CDH13: variants seen among roughly 807,000 people sequenced by gnomAD.
CDH13 encodes the protein cadherin-13.
CDH13 carries 24 observed loss-of-function variants against 63.8 expected under a neutral mutation model. The ratio of observed to expected loss-of-function variants is 0.38; its 90% confidence interval spans 0.27 to 0.53. CDH13 has a LOEUF of 0.53. CDH13 is among the 20% of genes least tolerant of loss of function. The probability of loss-of-function intolerance (pLI) is 0.85; values close to 1 mark genes in which losing one functional copy is unlikely to be tolerated. For synonymous variants in CDH13, 503 were observed against 355.3 expected (o/e 1.42, Z -4.67); for missense variants, 1,049 against 903.1 (o/e 1.16, Z -2.07).
intron 1 of CDH13, among the ~76,000 whole-genome samples, chr16:82,738,901 C>G (rs2033806807): frequency 6.6e-6 from 1 of 152,216 alleles, no homozygotes; most frequent in Non-Finnish European, 1.5e-5. Flanking sequence ...TGGCCAGTGG[C>G]TGTCTTACTA....
intron 1 of CDH13, among the ~76,000 whole-genome samples, chr16:82,745,965 A>G (rs967929964): frequency 1.3e-5 from 2 of 152,082 alleles, no homozygotes; most frequent in Non-Finnish European, 1.5e-5. Context: ...TTTCAAAACT[A>G]TTGTTATATT....
rs544275429 is a variant in CDH13, at chr16:83,229,024, G to C, written c.636+11527G>C. On this transcript the variant is annotated intron_variant, in intron 5 of 13. Transcript: ENST00000567109. ...ATAGTGAAGATATTAAATATACCTT[G>C]GGATGAAAAGAGTAGCAGGAATGCG... Among the ~76,000 whole-genome samples the C allele has an allele frequency of 2.6e-5, 4 of 152,230 alleles. No individual in the cohort carries two copies. The South Asian group carries it at 8.3e-4, about 32-fold the overall frequency.
rs145379863 is a variant in CDH13, at chr16:83,541,058, T to C, written c.960+54403T>C. On this transcript the variant is annotated intron_variant, in intron 7 of 13. Transcript: ENST00000567109. Reference sequence around the variant, plus strand: ...TGACGTCTCCTGGTTGGAGTATTCATGTTCACTCCCGCTCAATCCCCAGGT... The same window carrying C: ...TGACGTCTCCTGGTTGGAGTATTCACGTTCACTCCCGCTCAATCCCCAGGT... 3.4e-3 allele frequency among the ~76,000 whole-genome samples: 516 copies of C among 152,282 alleles called. 6 individuals carry two copies. The highest frequency in any genetic ancestry group is 0.011 in the African/African-American group (474 of 41,574).
chr16:82,715,079 C>T (rs2032266013), intron 1 of CDH13, among the ~76,000 whole-genome samples: 1 of 149,166 alleles, frequency 6.7e-6, no homozygotes. Flanking sequence ...CTTGGGGCAG[C>T]ACTGGGAACT....
intron 6 of CDH13, among the ~76,000 whole-genome samples, chr16:83,425,601 G>C (rs569261564): frequency 5.8e-4 from 88 of 152,228 alleles, no homozygotes; most frequent in Non-Finnish European, 1.2e-3. Context: ...CTCTTCCACT[G>C]TTGCCTTTGG....
intron 6 of CDH13, among the ~76,000 whole-genome samples, chr16:83,390,871 A>G (rs1243688192): frequency 2.0e-5 from 3 of 152,202 alleles, no homozygotes; most frequent in Admixed American, 2.0e-4. Flanking sequence ...ACCCCCTGAC[A>G]CTGAGCAGAG....
intron 1 of CDH13, among the ~76,000 whole-genome samples, chr16:82,675,088 G>A (rs1913742575): frequency 6.7e-6 from 1 of 149,184 alleles, no homozygotes; most frequent in Non-Finnish European, 1.5e-5. Flanking sequence ...GTTAGGGAAT[G>A]GATATCATTT....
At chr16:83,320,382 A>AAGAC (rs2090196415) in intron 5 of CDH13, among the ~76,000 whole-genome samples, 2 of 152,096 alleles carry the variant, frequency 1.3e-5, no homozygotes, top group African/African-American at 4.8e-5. Flanking sequence ...AAAGAACAGG[A>AAGAC]CTTATTGTCC....
At chr16:83,217,601 G>A (rs143257873) in intron 5 of CDH13, 104 bp downstream of exon 5, 1 of 1,238,888 alleles carries the variant, frequency 8.1e-7, no homozygotes, top group Non-Finnish European at 1.1e-6. Context: ...TCAAACCCGG[G>A]ACTGCATGGC....
chr16:83,243,146 C>T (rs752033371), intron 5 of CDH13, among the ~76,000 whole-genome samples: 1 of 152,188 alleles, frequency 6.6e-6, no homozygotes, highest in Non-Finnish European at 1.5e-5. Context: ...CAAAGAGTGG[C>T]CTCGTACCAG....
At chr16:82,887,425 TTAGGTTAGAAAATCCTTGGAGGAC>T (rs1174416265) in intron 2 of CDH13, among the ~76,000 whole-genome samples, 1 of 152,054 alleles carries the variant, frequency 6.6e-6, no homozygotes, top group Non-Finnish European at 1.5e-5. Flanking sequence ...GTGGGTTGGA[TTAGGTTAGAAAATCCTTGGAGGAC>T]TGCCTTTTCC....
chr16:83,320,351 T>A (rs2090195666), intron 5 of CDH13, among the ~76,000 whole-genome samples: 1 of 152,130 alleles, frequency 6.6e-6, no homozygotes, highest in South Asian at 2.1e-4. Flanking sequence ...CAGCATGGAT[T>A]GTCCTTTTCA....
chr16:83,033,389 C>T (rs897258398), intron 3 of CDH13, among the ~76,000 whole-genome samples: 4 of 152,244 alleles, frequency 2.6e-5, no homozygotes, highest in Middle Eastern at 3.4e-3. Context: ...AGCTGCCCAA[C>T]CTACTCATGG....
At chr16:82,880,105 T>A (rs1209911859) in intron 2 of CDH13, among the ~76,000 whole-genome samples, 1 of 151,656 alleles carries the variant, frequency 6.6e-6, no homozygotes, top group East Asian at 1.9e-4. Flanking sequence ...AACCTCACTT[T>A]GAGCCATGTG....
chr16:83,748,935 A>C (rs966484022), intron 11 of CDH13, among the ~76,000 whole-genome samples: 1 of 152,184 alleles, frequency 6.6e-6, no homozygotes, highest in Non-Finnish European at 1.5e-5. Flanking sequence ...ACCTCTTAGG[A>C]GAGTGCATGG....
chr16:82,694,655 A>G (rs768586320), intron 1 of CDH13, among the ~76,000 whole-genome samples: 6 of 152,186 alleles, frequency 3.9e-5, no homozygotes, highest in Non-Finnish European at 7.3e-5. Context: ...ATGTTACCAA[A>G]ATATTTCCCT....
chr16:83,464,102 C>A (rs2073248057), intron 6 of CDH13, among the ~76,000 whole-genome samples: 1 of 152,154 alleles, frequency 6.6e-6, no homozygotes, highest in Non-Finnish European at 1.5e-5. Flanking sequence ...GAGACAGAGT[C>A]TTGCCTTGTT....
chr16:83,081,035 C>G (rs780546984), intron 3 of CDH13, among the ~76,000 whole-genome samples: 10 of 151,660 alleles, frequency 6.6e-5, no homozygotes, highest in Non-Finnish European at 8.8e-5. Context: ...GCATGCGCCA[C>G]CAGGCCCGGC....
chr16:83,227,028 C>G (rs907486171), intron 5 of CDH13, among the ~76,000 whole-genome samples: 2 of 152,216 alleles, frequency 1.3e-5, no homozygotes, highest in Admixed American at 6.5e-5. Flanking sequence ...ACAGGTTGTC[C>G]TCCTACGCTG....
Sources: allele counts gnomAD v4.1 joint callset (sites outside exome capture counted in the v4.1 genomes callset), GRCh38; gene constraint gnomAD v4.1.1; transcripts MANE v1.5; gene names NCBI Gene and HGNC (gene_info 2026-07-23, HGNC 2026-07-21).